ANK2: variants seen among roughly 807,000 people sequenced by gnomAD.
ANK2 encodes the protein ankyrin 2, also known as ankyrin-2.
In ANK2, 83 loss-of-function variants were observed where a neutral mutation model predicts 360.5. The observed-to-expected ratio is 0.23, with a 90% CI of 0.19 to 0.28. The LOEUF is 0.28. Among genes scored for constraint, ANK2 ranks in the 10% least tolerant of loss-of-function variants. ANK2 has a pLI of 1.00. For missense variants in ANK2, 4,201 were observed against 4,795.7 expected, an observed-to-expected ratio of 0.88 and a Z score of 3.66; for synonymous variants, 1,740 against 1,759.5, an observed-to-expected ratio of 0.99 and a Z score of 0.28.
At chr4:113,021,891 C>T (rs1054797621) in intron 2 of ANK2, among the ~76,000 whole-genome samples, 1 of 152,058 alleles carries the variant, frequency 6.6e-6, no homozygotes, top group South Asian at 2.1e-4. Context: ...GAAAGTAATG[C>T]TTAAAGAGCA....
At chr4:113,210,948 A>C (rs1396484814) in intron 4 of ANK2, among the ~76,000 whole-genome samples, 1 of 152,196 alleles carries the variant, frequency 6.6e-6, no homozygotes, top group African/African-American at 2.4e-5. Flanking sequence ...CATTCAAATA[A>C]TTCAAATCTA....
At chr4:112,822,259 A>AAAC (rs2057314346) in intron 1 of ANK2, among the ~76,000 whole-genome samples, 1 of 123,402 alleles carries the variant, frequency 8.1e-6, no homozygotes, top group East Asian at 2.8e-4. Context: ...AAAAAAAAAA[A>AAAC]AAACAAAAAT....
At chr4:113,244,259 TAC>T (rs55782628) in intron 9 of ANK2, among the ~76,000 whole-genome samples, 101,878 of 151,708 alleles carry the variant, frequency 0.67, 34,954 homozygotes, top group South Asian at 0.78. Flanking sequence ...ATTGAGTTCC[TAC>T]TTGGTGCTGT....
intron 4 of ANK2, among the ~76,000 whole-genome samples, chr4:113,211,877 A>C (rs1472637255): frequency 6.6e-6 from 1 of 151,588 alleles, no homozygotes; most frequent in Admixed American, 6.6e-5. Context: ...ACTTTCAAGT[A>C]CAATGGCCTT....
intron 14 of ANK2, among the ~76,000 whole-genome samples, chr4:113,272,864 C>T (rs2059034882): frequency 6.6e-6 from 1 of 152,042 alleles, no homozygotes. Flanking sequence ...AGAAGGGAAC[C>T]CCAGAAACAA....
At chr4:113,127,882 G>A (rs2095762668) in intron 1 of ANK2, among the ~76,000 whole-genome samples, 1 of 152,104 alleles carries the variant, frequency 6.6e-6, no homozygotes, top group Admixed American at 6.6e-5. Flanking sequence ...CAGAAGAGCA[G>A]CAGGGAGGAA....
At chr4:113,288,121 A>C (rs530532388) in intron 19 of ANK2, among the ~76,000 whole-genome samples, 4 of 152,262 alleles carry the variant, frequency 2.6e-5, no homozygotes, top group Admixed American at 2.6e-4. Context: ...CTCCTATCAG[A>C]GTCATTCTGT....
chr4:112,803,727 A>G, the ANK2 span, among the ~76,000 whole-genome samples: 1 of 152,198 alleles, frequency 6.6e-6, no homozygotes. Flanking sequence ...TCAACAAGGC[A>G]GGCCTCTTGT....
chr4:112,821,435 G>T (rs66577927), intron 1 of ANK2, among the ~76,000 whole-genome samples: 70,563 of 151,800 alleles, frequency 0.46, 17,385 homozygotes, highest in East Asian at 0.9. Context: ...CATGTGATGA[G>T]ATCTCAAATA....
chr4:113,154,738 G>A (rs1386558200), intron 1 of ANK2, among the ~76,000 whole-genome samples: 1 of 152,174 alleles, frequency 6.6e-6, no homozygotes, highest in African/African-American at 2.4e-5. Context: ...TACATAGATT[G>A]AAGAATCAGT....
the ANK2 span, among the ~76,000 whole-genome samples, chr4:112,793,639 T>G: frequency 6.6e-6 from 1 of 151,968 alleles, no homozygotes; most frequent in Non-Finnish European, 1.5e-5. Flanking sequence ...AGAGATGATT[T>G]TGTTATATAC....
At chr4:113,258,579 A>G (rs192437732) in intron 13 of ANK2, among the ~76,000 whole-genome samples, 168 bp downstream of exon 13, 59 of 152,326 alleles carry the variant, frequency 3.9e-4, no homozygotes, top group African/African-American at 1.4e-3. Context: ...AACTTCACTG[A>G]AAAGAACCTG....
At chr4:113,220,959 G>A (rs2099144045) in intron 4 of ANK2, among the ~76,000 whole-genome samples, 1 of 152,246 alleles carries the variant, frequency 6.6e-6, no homozygotes, top group Non-Finnish European at 1.5e-5. Context: ...CTTTCACGAA[G>A]TGTATAGGCT....
At chr4:113,247,985 T>C (rs1386532794) in intron 9 of ANK2, among the ~76,000 whole-genome samples, 1 of 152,238 alleles carries the variant, frequency 6.6e-6, no homozygotes, top group Non-Finnish European at 1.5e-5. Context: ...GGAACAACTC[T>C]TTAAGGCTCC....
chr4:112,911,428 C>A (rs1224913678), intron 2 of ANK2, among the ~76,000 whole-genome samples: 2 of 151,858 alleles, frequency 1.3e-5, no homozygotes, highest in Admixed American at 6.6e-5. Flanking sequence ...GAGGCTGAGG[C>A]AGGAGAATGG....
intron 2 of ANK2, among the ~76,000 whole-genome samples, chr4:112,933,233 A>T (rs908217788): frequency 2.4e-4 from 37 of 152,236 alleles, no homozygotes; most frequent in Non-Finnish European, 4.1e-4. Flanking sequence ...GTATTAAAAA[A>T]TTAAGTGAAG....
chr4:112,969,269 C>T (rs1163452957), intron 2 of ANK2, among the ~76,000 whole-genome samples: 1 of 152,144 alleles, frequency 6.6e-6, no homozygotes, highest in Non-Finnish European at 1.5e-5. Context: ...CATAGATATT[C>T]CCTGAACACT....
the ANK2 span, among the ~76,000 whole-genome samples, chr4:112,722,714 ATCTT>A: frequency 6.6e-6 from 1 of 152,114 alleles, no homozygotes; most frequent in African/African-American, 2.4e-5. Flanking sequence ...AGGGAGGTAA[ATCTT>A]TCTTAGTAGC....
chr4:112,725,876 T>C, the ANK2 span, among the ~76,000 whole-genome samples: 1 of 152,058 alleles, frequency 6.6e-6, no homozygotes, highest in Non-Finnish European at 1.5e-5. Context: ...AATGTGAAAA[T>C]GGCAAATTTT....
Sources: gnomAD v4.1 joint callset for allele counts (sites outside exome capture counted in the v4.1 genomes callset) on GRCh38, gnomAD v4.1.1 for gene constraint, MANE v1.5 for transcripts, NCBI Gene and HGNC (gene_info 2026-07-23, HGNC 2026-07-21) for gene names.